The following ANO3 variants were observed in gnomAD, a reference collection of about 807,000 sequenced individuals.
ANO3 encodes anoctamin-3.
ANO3 carries 99 observed loss-of-function variants against 144.8 expected under a neutral mutation model. The observed-to-expected ratio is 0.68, with a 90% CI of 0.58 to 0.81. The LOEUF is 0.81. ANO3 is among the 30% of genes least tolerant of loss of function. The pLI, the probability that ANO3 is intolerant of heterozygous loss-of-function variation, is 0.00. For synonymous variants in ANO3, 414 were observed against 392.6 expected (o/e 1.05, Z -0.64); for missense variants, 905 against 1,202.2 (o/e 0.75, Z 3.66).
chr11:26,279,669 G>A (rs1183748518), intron 1 of ANO3, among the ~76,000 whole-genome samples: 1 of 152,162 alleles, frequency 6.6e-6, no homozygotes, highest in Non-Finnish European at 1.5e-5. Context: ...AGGGTCTTCA[G>A]GGACTTGCAA....
intron 20 of ANO3, among the ~76,000 whole-genome samples, chr11:26,636,975 T>A (rs539437988): frequency 1.3e-5 from 2 of 152,342 alleles, no homozygotes; most frequent in Non-Finnish European, 2.9e-5. Context: ...GCATCTAGTT[T>A]GGCTTGTCCA....
intron 1 of ANO3, among the ~76,000 whole-genome samples, chr11:26,299,654 A>T (rs1854176844): frequency 2.0e-5 from 3 of 152,092 alleles, no homozygotes; most frequent in Non-Finnish European, 2.9e-5. Flanking sequence ...GATGATAATT[A>T]TCAACTAGAA....
At chr11:26,356,089 T>G (rs1337609929) in intron 1 of ANO3, among the ~76,000 whole-genome samples, 1 of 152,226 alleles carries the variant, frequency 6.6e-6, no homozygotes, top group Non-Finnish European at 1.5e-5. Context: ...TTTTGATTTT[T>G]TATGATATTC....
intron 1 of ANO3, among the ~76,000 whole-genome samples, chr11:26,311,447 T>C (rs547954651): frequency 4.1e-4 from 63 of 152,328 alleles, no homozygotes; most frequent in African/African-American, 1.5e-3. Flanking sequence ...TTGAAACTAG[T>C]GAAATATAAA....
chr11:26,268,055 A>G (rs757286819), intron 1 of ANO3, among the ~76,000 whole-genome samples: 24 of 152,188 alleles, frequency 1.6e-4, no homozygotes, highest in Non-Finnish European at 2.2e-4. Flanking sequence ...CATGTTACAT[A>G]TACTGGTCAG....
At chr11:26,560,409 A>G (rs1381186756) in intron 14 of ANO3, 1 of 152,194 alleles carries the variant, frequency 6.6e-6, no homozygotes, top group South Asian at 2.1e-4. Flanking sequence ...TAAAGAAGCT[A>G]TTACTTTCCT....
intron 4 of ANO3, among the ~76,000 whole-genome samples, chr11:26,470,222 A>G (rs906845783): frequency 5.9e-5 from 9 of 151,768 alleles, no homozygotes; most frequent in African/African-American, 2.2e-4. Flanking sequence ...ACAGGCTGAG[A>G]TACACAGTGA....
At chr11:26,497,559 T>G (rs1336885032) in intron 4 of ANO3, among the ~76,000 whole-genome samples, 5 of 152,074 alleles carry the variant, frequency 3.3e-5, no homozygotes, top group African/African-American at 1.2e-4. Flanking sequence ...TTGATCCAAA[T>G]AACCAGAAAT....
intron 1 of ANO3, among the ~76,000 whole-genome samples, chr11:26,434,390 C>T (rs563393805): frequency 1.4e-3 from 206 of 152,116 alleles, no homozygotes; most frequent in Non-Finnish European, 1.1e-3. Context: ...CTCCTGGATT[C>T]GTTGATCTTT....
chr11:26,311,166 A>C (rs1426032761), intron 1 of ANO3, among the ~76,000 whole-genome samples: 1 of 152,194 alleles, frequency 6.6e-6, no homozygotes, highest in East Asian at 1.9e-4. Flanking sequence ...TATTCAAAGA[A>C]ATTGGTATTT....
intron 1 of ANO3, among the ~76,000 whole-genome samples, chr11:26,310,060 G>A (rs1413275128): frequency 4.6e-5 from 7 of 151,898 alleles, no homozygotes; most frequent in Non-Finnish European, 1.0e-4. Flanking sequence ...ATCAGCAAAA[G>A]GCCCTACACA....
At chr11:26,237,910 A>C (rs1852570963) in intron 1 of ANO3, among the ~76,000 whole-genome samples, 1 of 152,156 alleles carries the variant, frequency 6.6e-6, no homozygotes, top group Non-Finnish European at 1.5e-5. Flanking sequence ...GTCACAAGTT[A>C]GTATAAAATT....
At chr11:26,245,774 A>T (rs1056075812) in intron 1 of ANO3, among the ~76,000 whole-genome samples, 1 of 152,144 alleles carries the variant, frequency 6.6e-6, no homozygotes, top group Admixed American at 6.6e-5. Flanking sequence ...ATGTTTATAT[A>T]CCCTACTTCT....
intron 17 of ANO3, among the ~76,000 whole-genome samples, chr11:26,614,539 A>T (rs1291607178): frequency 6.6e-6 from 1 of 152,154 alleles, no homozygotes; most frequent in East Asian, 1.9e-4. Flanking sequence ...ATAGCAGCCT[A>T]GGTCACAGTG....
chr11:26,495,366 C>T (rs1860893094), intron 4 of ANO3, among the ~76,000 whole-genome samples: 1 of 151,724 alleles, frequency 6.6e-6, no homozygotes, highest in African/African-American at 2.4e-5. Flanking sequence ...GCCTCAGCCC[C>T]TCAAATTGCT....
At chr11:26,604,477 G>A (rs1851883001) in intron 17 of ANO3, among the ~76,000 whole-genome samples, 2 of 152,234 alleles carry the variant, frequency 1.3e-5, no homozygotes, top group African/African-American at 2.4e-5. Flanking sequence ...GATGGGAATA[G>A]TATTGAATCT....
chr11:26,540,516 G>A (rs1429138698), intron 10 of ANO3, among the ~76,000 whole-genome samples: 2 of 152,042 alleles, frequency 1.3e-5, no homozygotes, highest in Admixed American at 6.6e-5. Context: ...GAGTGAACAG[G>A]AAACCTACAG....
intron 1 of ANO3, among the ~76,000 whole-genome samples, chr11:26,206,931 T>A (rs1004409771): frequency 6.6e-6 from 1 of 152,168 alleles, no homozygotes; most frequent in Non-Finnish European, 1.5e-5. Context: ...GGATTAAGGG[T>A]TTTTAAAAAG....
intron 4 of ANO3, among the ~76,000 whole-genome samples, chr11:26,477,396 G>A (rs1016618714): frequency 3.3e-5 from 5 of 151,964 alleles, no homozygotes; most frequent in East Asian, 1.9e-4. Context: ...GAGTTTTCTC[G>A]ACCTGGAAAG....
Sources: allele counts gnomAD v4.1 joint callset (sites outside exome capture counted in the v4.1 genomes callset), GRCh38; gene constraint gnomAD v4.1.1; transcripts MANE v1.5; gene names NCBI Gene and HGNC (gene_info 2026-07-23, HGNC 2026-07-21).